BTAF1: variants seen among roughly 807,000 people sequenced by gnomAD.
The protein encoded by BTAF1 is B-TFIID TATA-box binding protein associated factor 1.
BTAF1 carries 38 observed loss-of-function variants against 227.1 expected under a neutral mutation model. The ratio of observed to expected loss-of-function variants is 0.17; its 90% CI spans 0.13 to 0.22. The LOEUF (loss-of-function observed/expected upper bound fraction) is 0.22, where lower values mean the gene tolerates loss of function less well. BTAF1 is among the 10% of genes least tolerant of loss of function. The pLI is 1.00. For missense variants in BTAF1, 1,598 were observed against 2,204.0 expected, an observed-to-expected ratio of 0.73 and a Z score of 5.51; for synonymous variants, 742 against 751.9, an observed-to-expected ratio of 0.99 and a Z score of 0.21.
chr10:92,004,135 A>T (rs1849726433), intron 25 of BTAF1, among the ~76,000 whole-genome samples: 1 of 152,010 alleles, frequency 6.6e-6, no homozygotes, highest in South Asian at 2.1e-4. Context: ...CTAACCTCTT[A>T]TCAAGATTTA....
At chr10:91,943,949 G>A (rs1845189606) in intron 4 of BTAF1, among the ~76,000 whole-genome samples, 2 of 152,044 alleles carry the variant, frequency 1.3e-5, no homozygotes, top group Admixed American at 6.5e-5. Flanking sequence ...TCGGGAGGTC[G>A]AGACCAGCCT....
At chr10:91,995,065 C>T (rs936419054) in intron 23 of BTAF1, among the ~76,000 whole-genome samples, 1 of 151,984 alleles carries the variant, frequency 6.6e-6, no homozygotes, top group Non-Finnish European at 1.5e-5. Flanking sequence ...TGGTCAGTGG[C>T]AAAGATAGAA....
chr10:91,988,066 G>A (rs1848523739), intron 19 of BTAF1, among the ~76,000 whole-genome samples: 1 of 152,132 alleles, frequency 6.6e-6, no homozygotes, highest in African/African-American at 2.4e-5. Flanking sequence ...TAAAAACCAA[G>A]CATAAGTGTT....
At chr10:91,941,353 A>G (rs1348101542) in intron 3 of BTAF1, among the ~76,000 whole-genome samples, 2 of 152,236 alleles carry the variant, frequency 1.3e-5, no homozygotes, top group Admixed American at 6.5e-5. Flanking sequence ...AAAACTTAAA[A>G]TACTAATAGA....
At chr10:91,995,536 C>T (rs1303000120) in intron 23 of BTAF1, among the ~76,000 whole-genome samples, 1 of 151,754 alleles carries the variant, frequency 6.6e-6, no homozygotes, top group African/African-American at 2.4e-5. Flanking sequence ...ATTAGCCGGG[C>T]GTGATGGGAC....
chr10:91,999,398 CT>C (rs528102402), intron 25 of BTAF1, among the ~76,000 whole-genome samples: 27 of 146,896 alleles, frequency 1.8e-4, no homozygotes, highest in East Asian at 5.9e-4. Flanking sequence ...ATTTTCAAGA[CT>C]TTTTTTTTTT....
In BTAF1 at chr10:92,018,813, C is replaced by A; in HGVS notation, c.4741C>A (p.His1581Asn). ...ACAGTACTTACGTAAACTGTGCAAC[C>A]ATCCAGCATTAGTCTTAACACCTCA... ...ALQYLRKLCN[H>N]PALVLTPQHP... The change falls in exon 34 of 38, where the codon CAT becomes AAT. Residue 1581 changes from histidine to asparagine, a missense_variant. By Grantham distance (68) the His-to-Asn change is moderately conservative. Transcript: ENST00000265990. 6.3e-7 allele frequency: 1 copy of A among 1,596,542 alleles called. No homozygotes were observed. The highest frequency in any genetic ancestry group is 1.1e-5 in the South Asian group (1 of 87,000).
chr10:92,029,820 A>C lies in BTAF1; in HGVS notation c.*887A>C, dbSNP rs933741917. On this transcript the variant is annotated 3_prime_UTR_variant, in exon 38 of 38. Transcript: ENST00000265990. ...TGGCTGAAGCATAAAAGGGAGAGAG[A>C]ATTTCTTTATATACACAAACATACA... The C allele has an allele frequency of 4.6e-5, 7 of 152,382 alleles. No homozygotes were observed. The highest frequency in any genetic ancestry group is 8.8e-5 in the Non-Finnish European group (6 of 67,930). The allele number at this position is 152,382 out of a possible 1,614,324, so 9.4% of individuals were successfully genotyped here.
chr10:91,980,496 C>T lies in BTAF1; in HGVS notation c.1693C>T (p.Arg565Ter), dbSNP rs1454855434. Residue 565 changes from arginine to a stop codon, truncating the protein, a stop_gained, in exon 15 of 38, where the codon CGA (arginine) becomes TGA (stop). Coordinates refer to ENST00000265990, the MANE Select transcript of BTAF1 (RefSeq NM_003972.3). LOFTEE classifies it high-confidence loss of function. ...WLIPILPDML[R>*]HIFQFCVLES... ...TATACCTATACTGCCTGATATGCTCCGACACATTTTTCAGTTCTGTGTTTT... is the reference window on the plus strand; with the variant it reads ...TATACCTATACTGCCTGATATGCTCTGACACATTTTTCAGTTCTGTGTTTT... 1.2e-6 allele frequency: 2 copies of T among 1,613,120 alleles called. No homozygotes were observed. The highest frequency in any genetic ancestry group is 8.5e-7 in the Non-Finnish European group (1 of 1,179,402).
At chr10:92,027,091 A>G in intron 36 of BTAF1, 39 bp from the exon 37 acceptor site, 2 of 1,578,316 alleles carry the variant, frequency 1.3e-6, no homozygotes, top group African/African-American at 2.7e-5. Flanking sequence ...CTCAAAGCAT[A>G]ATATGTGTTA....
At chr10:91,976,694 C>T (rs1245827497) in intron 14 of BTAF1, among the ~76,000 whole-genome samples, 1 of 152,172 alleles carries the variant, frequency 6.6e-6, no homozygotes, top group Non-Finnish European at 1.5e-5. Context: ...TACAGTATCA[C>T]AATTTTGGGA....
intron 17 of BTAF1, 126 bp downstream of exon 17, chr10:91,982,351 G>T: frequency 7.6e-7 from 1 of 1,323,206 alleles, no homozygotes. Context: ...ACTAATTATA[G>T]CCTAAGGAAA....
chr10:91,935,137 TAAA>T (rs1370677590), intron 1 of BTAF1: 1 of 152,248 alleles, frequency 6.6e-6, no homozygotes, highest in Non-Finnish European at 1.5e-5. Flanking sequence ...AATTGACAGA[TAAA>T]TGTACATTAT....
At chr10:91,950,169 A>C (rs1589786891) in intron 4 of BTAF1, among the ~76,000 whole-genome samples, 4 of 143,514 alleles carry the variant, frequency 2.8e-5, no homozygotes, top group Admixed American at 7.0e-5. Context: ...GGGAAAGAAG[A>C]CTAGGTTTTT....
At position 91,982,218 on chromosome 10, in the gene BTAF1, G is replaced by A. The variant is rs756200171; in HGVS notation, c.2041G>A (p.Ala681Thr). 1 of 1,613,926 alleles carries A rather than the reference G, an allele frequency of 6.2e-7. No homozygotes were observed. The highest frequency in any genetic ancestry group is 8.5e-7 in the Non-Finnish European group (1 of 1,179,862). Reference sequence around the variant, plus strand: ...TGTAGTTATGCGGGCCAGAATGATGGCAGCCAAGTGAGTGTACATTAAGTG... The same window carrying A: ...TGTAGTTATGCGGGCCAGAATGATGACAGCCAAGTGAGTGTACATTAAGTG... ...DFVVMRARMM[A>T]AKLLGALCCC... The change falls in exon 17 of 38, where the codon GCA (alanine) becomes ACA (threonine). Residue 681 changes from alanine (A) to threonine (T), a missense_variant. By Grantham distance (58) the Ala-to-Thr change is moderately conservative. This residue lies in a region of BTAF1 where 318 missense variants were observed against 435.0 expected (regional missense o/e 0.73). Transcript: ENST00000265990.
At chr10:91,930,144 TACA>T (rs1844175214) in intron 1 of BTAF1, among the ~76,000 whole-genome samples, 1 of 152,172 alleles carries the variant, frequency 6.6e-6, no homozygotes, top group Non-Finnish European at 1.5e-5. Flanking sequence ...TTATGAATTT[TACA>T]TATTAATACA....
intron 19 of BTAF1, 80 bp downstream of exon 19, chr10:91,984,484 A>T: frequency 8.1e-7 from 1 of 1,237,900 alleles, no homozygotes; most frequent in Non-Finnish European, 1.1e-6. Context: ...TGTTTATCAC[A>T]AAAACACATT....
intron 36 of BTAF1, 84 bp downstream of exon 36, chr10:92,026,835 C>A: frequency 7.1e-7 from 1 of 1,416,560 alleles, no homozygotes; most frequent in East Asian, 2.4e-5. Flanking sequence ...TGGTTTAGTT[C>A]TTGCTCTGGT....
chr10:92,005,460 ATATTTATGTCCATT>A (rs1360081683), intron 25 of BTAF1, among the ~76,000 whole-genome samples: 1 of 152,110 alleles, frequency 6.6e-6, no homozygotes, highest in East Asian at 1.9e-4. Context: ...TTTATTTTCC[ATATTTATGTCCATT>A]TATTTGTGTC....
Sources: allele counts gnomAD v4.1 joint callset (sites outside exome capture counted in the v4.1 genomes callset), GRCh38; gene constraint gnomAD v4.1.1; regional missense constraint gnomAD v4.1.1; transcripts MANE v1.5; gene names NCBI Gene and HGNC (gene_info 2026-07-23, HGNC 2026-07-21).